Variants in MROH1 observed in about 807,000 individuals in gnomAD.
MROH1 encodes maestro heat like repeat family member 1.
In MROH1, 117 loss-of-function variants were observed where a neutral mutation model predicts 116.5. The observed-to-expected ratio is 1.00, with a 90% CI of 0.86 to 1.17. MROH1 has a LOEUF of 1.17. Ranked by LOEUF, MROH1 falls within the 50% of genes most tolerant of loss-of-function variation. MROH1 has a pLI of 0.00. For synonymous variants in MROH1, 921 were observed against 583.9 expected, an observed-to-expected ratio of 1.58 and a Z score of -8.32; for missense variants, 1,873 against 1,338.5, an observed-to-expected ratio of 1.40 and a Z score of -6.23.
In MROH1 at chr8:144,260,240, G is replaced by A. The variant is rs1844766453; in HGVS notation, c.4246G>A (p.Gly1416Arg). The change falls in exon 39 of 44, where the codon GGG becomes AGG. Residue 1416 changes from glycine (G) to arginine (R), a missense_variant. Physicochemically the swap from Gly to Arg is moderately radical, Grantham distance 125 (BLOSUM62 -2). Transcript: ENST00000326134. The stretch of plus-strand genomic sequence containing the variant: ...AGCCATGATTGGCGGGCTGGACGAC[G>A]GGGACAACCCTCACAGCCCAGTGGC... ...LTAMIGGLDD[G>R]DNPHSPVALE... The A allele has an allele frequency of 1.3e-5, 10 of 766,022 alleles. No homozygotes were observed. The highest frequency in any genetic ancestry group is 3.4e-5 in the African/African-American group (2 of 59,116). The allele number at this position is 766,022 out of a possible 1,614,324, so 47.5% of individuals were successfully genotyped here. A position where few individuals can be genotyped will look rare whatever the true frequency, so the allele number is the denominator to read the frequency against.
chr8:144,172,658 C>T (rs985885480), intron 4 of MROH1, among the ~76,000 whole-genome samples: 1 of 152,128 alleles, frequency 6.6e-6, no homozygotes, highest in Non-Finnish European at 1.5e-5. Context: ...ATCTGCCCAC[C>T]TTGGCCTCCC....
intron 33 of MROH1, chr8:144,251,404 ATT>A (rs1842825131): frequency 6.6e-6 from 1 of 152,174 alleles, no homozygotes; most frequent in Non-Finnish European, 1.5e-5. Context: ...TTTGTTACAC[ATT>A]TTGTTTTTTA....
chr8:144,254,675 C>A (rs1843386531), intron 33 of MROH1, 138 bp from the exon 34 acceptor site: 1 of 607,378 alleles, frequency 1.6e-6, no homozygotes, highest in Non-Finnish European at 3.0e-6. Flanking sequence ...GGCCAAGAGG[C>A]CATTTCCCAG....
intron 1 of MROH1, among the ~76,000 whole-genome samples, chr8:144,153,614 T>C (rs1184551549): frequency 4.6e-5 from 7 of 152,222 alleles, no homozygotes; most frequent in Non-Finnish European, 8.8e-5. Flanking sequence ...CATCCATTGG[T>C]GCACACTTAC....
chr8:144,249,055 T>A lies in MROH1; in HGVS notation c.3273+26T>A, dbSNP rs1298403167. On this transcript the variant is annotated intron_variant, in intron 32 of 43. Coordinates refer to ENST00000326134, the MANE Select transcript of MROH1 (RefSeq NM_032450.3). ...GTGGGAGAGGGCGGGGCGCGGGGGG[T>A]GCTCCAGGAGAAGGTGGGAGAGGGC... 28 of 328,036 alleles carry A rather than the reference T, an allele frequency of 8.5e-5. No individual in the cohort carries two copies. The East Asian group carries it at 9.2e-4, about 11-fold the overall frequency. The allele number at this position is 328,036 out of a possible 1,614,324, so 20.3% of individuals were successfully genotyped here.
intron 33 of MROH1, 182 bp downstream of exon 33, chr8:144,250,548 G>A: frequency 6.0e-6 from 4 of 672,038 alleles, no homozygotes; most frequent in Middle Eastern, 3.9e-4. Flanking sequence ...GTACCCACGG[G>A]GACCTCTCCT....
At chr8:144,249,855 G>T (rs931214435) in intron 32 of MROH1, among the ~76,000 whole-genome samples, 1 of 152,136 alleles carries the variant, frequency 6.6e-6, no homozygotes, top group African/African-American at 2.4e-5. Context: ...GGCCTGCCAG[G>T]GGAGCCTGAG....
chr8:144,184,608 G>A (rs1826485724), intron 7 of MROH1, among the ~76,000 whole-genome samples: 1 of 152,248 alleles, frequency 6.6e-6, no homozygotes, highest in South Asian at 2.1e-4. Flanking sequence ...AGAGTAAGGA[G>A]GTGGGTGTGG....
In MROH1 at chr8:144,163,477, G is replaced by C. The variant is rs958912938; in HGVS notation, c.-56-294G>C. Among the ~76,000 whole-genome samples the C allele has an allele frequency of 6.6e-6, 1 of 152,154 alleles. No individual in the cohort carries two copies. The highest frequency in any genetic ancestry group is 2.4e-5 in the African/African-American group (1 of 41,432). Reference sequence around the variant, plus strand: ...TGTAGGTGGAGGTGCATCCACTCCTGCTGGGGCTGATGGTGACGAGGTGAC... The same window carrying C: ...TGTAGGTGGAGGTGCATCCACTCCTCCTGGGGCTGATGGTGACGAGGTGAC... On this transcript the variant is annotated intron_variant, in intron 2 of 43. Coordinates refer to ENST00000326134, the MANE Select transcript of MROH1 (RefSeq NM_032450.3). This position sits in a 1 kb window ranked among gnomAD's most constrained non-coding sequence, Gnocchi z 4.4.
At position 144,180,106 on chromosome 8, in the gene MROH1, AG is replaced by A. The variant is rs1825191588; in HGVS notation, c.301-70del. On this transcript the variant is annotated intron_variant, in intron 5 of 43. Transcript: ENST00000326134. This position sits in a 1 kb window ranked among gnomAD's most constrained non-coding sequence, Gnocchi z 7.4. ...GCTGAAAACAGCGTGCGCTTGTCCA[AG>A]GCTGGCAGCGACTGAGGGCAGAATG... 1 of 1,580,012 alleles carries A rather than the reference AG, an allele frequency of 6.3e-7. No individual in the cohort carries two copies. The highest frequency in any genetic ancestry group is 1.3e-5 in the African/African-American group (1 of 74,414).
At chr8:144,174,608 G>A (rs898314880) in intron 4 of MROH1, among the ~76,000 whole-genome samples, 6 of 151,242 alleles carry the variant, frequency 4.0e-5, no homozygotes, top group South Asian at 2.1e-4. Context: ...TTCAGCCTCC[G>A]AAGTAGCTGG....
At position 144,244,515 on chromosome 8, in the gene MROH1, C is replaced by G. The variant is rs1406988529; in HGVS notation, c.2742C>G (p.Pro914=). The G allele has an allele frequency of 5.2e-6, 4 of 770,850 alleles. No individual in the cohort carries two copies. Among genetic ancestry groups the G allele is most frequent in the Admixed American group, 3.4e-5 (2 of 57,978 alleles). 47.8% of individuals were successfully genotyped at this position (770,850 alleles called of 1,614,324 possible). A position where few individuals can be genotyped will look rare whatever the true frequency, so the allele number is the denominator to read the frequency against. Residue 914 remains proline (P), a synonymous_variant, in exon 28 of 44, where the codon CCC becomes CCG. Coordinates refer to ENST00000326134, the MANE Select transcript of MROH1 (RefSeq NM_032450.3). ...LTSLLQRNMT[P]QGLQIMIEHL... is the part of the protein sequence containing the mutation. The stretch of plus-strand genomic sequence containing the variant: ...GCCTCCTGCAGCGGAACATGACCCC[C>G]CAAGGCCTGCAGATCATGATTGAGG...
At chr8:144,220,971 G>T (rs1196536586) in intron 13 of MROH1, among the ~76,000 whole-genome samples, 3 of 152,198 alleles carry the variant, frequency 2.0e-5, no homozygotes, top group Non-Finnish European at 2.9e-5. Flanking sequence ...TCACAGTGCT[G>T]CTCTGCTCGC....
chr8:144,224,078 G>T (rs1398834449), intron 14 of MROH1, among the ~76,000 whole-genome samples: 2 of 152,186 alleles, frequency 1.3e-5, no homozygotes, highest in Non-Finnish European at 2.9e-5. Context: ...GCGTCTCCAT[G>T]GCAGCTCCAC....
intron 12 of MROH1, among the ~76,000 whole-genome samples, chr8:144,211,967 TG>T (rs779662473): frequency 3.3e-5 from 5 of 152,238 alleles, no homozygotes; most frequent in Non-Finnish European, 5.9e-5. Context: ...TGCTGGTCTT[TG>T]GCAGCTCATG....
chr8:144,151,268 A>AAC (rs1816714948), intron 1 of MROH1, among the ~76,000 whole-genome samples: 1 of 151,216 alleles, frequency 6.6e-6, no homozygotes, highest in African/African-American at 2.4e-5. Context: ...AAAAAAAAAA[A>AAC]AAAAAACCTC....
chr8:144,190,701 G>GA, intron 7 of MROH1, 83 bp from the exon 8 acceptor site: 1 of 1,524,408 alleles, frequency 6.6e-7, no homozygotes, highest in Non-Finnish European at 8.9e-7. Flanking sequence ...GGGATTTCTG[G>GA]AAGGGGCAGG....
chr8:144,222,580 G>A (rs567550680), intron 13 of MROH1, among the ~76,000 whole-genome samples: 1 of 152,128 alleles, frequency 6.6e-6, no homozygotes, highest in Admixed American at 6.5e-5. Context: ...GGGTGTGAGT[G>A]CAGGCTTAGG....
At chr8:144,185,553 G>A (rs941498435) in intron 7 of MROH1, among the ~76,000 whole-genome samples, 5 of 136,596 alleles carry the variant, frequency 3.7e-5, no homozygotes, top group Admixed American at 1.5e-4. Flanking sequence ...CATGGGGACC[G>A]TGAGAGGGGC....
Sources: gnomAD v4.1 joint callset for allele counts (sites outside exome capture counted in the v4.1 genomes callset) on GRCh38, gnomAD v4.1.1 for gene constraint, Gnocchi (gnomAD v3.1) non-coding constraint, MANE v1.5 for transcripts, NCBI Gene and HGNC (gene_info 2026-07-23, HGNC 2026-07-21) for gene names.